LITAF: variants seen among roughly 807,000 people sequenced by gnomAD.
LITAF encodes the protein lipopolysaccharide induced TNF factor.
In LITAF, 9 loss-of-function variants were observed where a neutral mutation model predicts 14.5. The ratio of observed to expected loss-of-function variants is 0.62; its 90% CI spans 0.37 to 1.08. The LOEUF (loss-of-function observed/expected upper bound fraction) is 1.08. Ranked by LOEUF, LITAF falls within the 50% of genes least tolerant of loss-of-function variation. LITAF has a pLI of 0.01. For synonymous variants in LITAF, 98 were observed against 88.2 expected (o/e 1.11, Z -0.62); for missense variants, 206 against 213.4 (o/e 0.97, Z 0.22).
upstream of LITAF, among the ~76,000 whole-genome samples, chr16:11,600,076 C>T (rs1199033115): frequency 6.6e-6 from 1 of 152,142 alleles, no homozygotes; most frequent in East Asian, 1.9e-4. This position sits in a 1 kb window ranked among gnomAD's most constrained non-coding sequence, Gnocchi z 4.1. Flanking sequence ...TAGTTCACGG[C>T]AGCCTCAAAC....
At position 11,634,257 on chromosome 16, in the gene LITAF, C is replaced by T. The variant is rs1485488978; in HGVS notation, c.-20-620G>A. On this transcript the variant is annotated intron_variant, in intron 2 of 3. Transcript: ENST00000574848. This position sits in a 1 kb window ranked among gnomAD's most constrained non-coding sequence, Gnocchi z 4.1. ...CTTTCACCTCCAAACTGCTCTTCATCATTCCTGGACTTGGGCCAAACTAAC... is the reference window on the plus strand; with the variant it reads ...CTTTCACCTCCAAACTGCTCTTCATTATTCCTGGACTTGGGCCAAACTAAC... 6.6e-6 allele frequency among the ~76,000 whole-genome samples: 1 copy of T among 152,216 alleles called. No individual in the cohort carries two copies. Among genetic ancestry groups the T allele is most frequent in the Non-Finnish European group, 1.5e-5 (1 of 68,040 alleles).
rs150179253 is a variant in LITAF at position 11,564,314 on chromosome 16, G to A, written c.-5-7579C>T. ...TGCCCTTAACTGATATTAATGCACCGATCTGGAATCCTCGGGACGTGGAAA... is the reference window on the plus strand; with the variant it reads ...TGCCCTTAACTGATATTAATGCACCAATCTGGAATCCTCGGGACGTGGAAA... On this transcript the variant is annotated intron_variant, in intron 1 of 3. Transcript: ENST00000622633. 5.9e-3 allele frequency among the ~76,000 whole-genome samples: 891 copies of A among 152,188 alleles called. 8 individuals are homozygous for A. The highest frequency in any genetic ancestry group is 0.019 in the African/African-American group (795 of 41,530).
chr16:11,620,608 A>C (rs1291971315), intron 3 of LITAF, among the ~76,000 whole-genome samples: 1 of 152,244 alleles, frequency 6.6e-6, no homozygotes, highest in African/African-American at 2.4e-5. Flanking sequence ...CACTGGGATT[A>C]CAGACGTGAG....
intron 1 of LITAF, among the ~76,000 whole-genome samples, chr16:11,574,018 T>TG (rs554221728): frequency 0.045 from 6,657 of 148,334 alleles, 204 homozygotes; most frequent in East Asian, 0.13. Flanking sequence ...TGGTTTTTTT[T>TG]TTGTTGTTGT....
At chr16:11,621,331 T>C (rs1279642673) in intron 3 of LITAF, among the ~76,000 whole-genome samples, 1 of 152,322 alleles carries the variant, frequency 6.6e-6, no homozygotes, top group East Asian at 1.9e-4. Flanking sequence ...CCCAAAGTGC[T>C]GGGATTATAG....
intron 3 of LITAF, among the ~76,000 whole-genome samples, chr16:11,606,078 T>C (rs1477110646): frequency 6.6e-6 from 1 of 152,110 alleles, no homozygotes; most frequent in African/African-American, 2.4e-5. Flanking sequence ...GATAGGCTGA[T>C]GGCACTGACC....
intron 3 of LITAF, among the ~76,000 whole-genome samples, chr16:11,629,517 G>A (rs1008108358): frequency 3.9e-5 from 6 of 152,108 alleles, no homozygotes; most frequent in Non-Finnish European, 8.8e-5. Context: ...TCGGCCAGTC[G>A]GTCCTTCTGG....
At chr16:11,596,489 AGGG>A (rs1429801932) in intron 1 of LITAF, among the ~76,000 whole-genome samples, 1 of 7,978 alleles carries the variant, frequency 1.3e-4, no homozygotes, top group Non-Finnish European at 2.3e-4. Flanking sequence ...TAAGGGGAGG[AGGG>A]GGAGGGGGGA....
At position 11,556,774 on chromosome 16, in the gene LITAF, T is replaced by C. The variant is rs748972727; in HGVS notation, c.-5-39A>G. On this transcript the variant is annotated intron_variant, in intron 1 of 3. Coordinates refer to ENST00000622633, the MANE Select transcript of LITAF (RefSeq NM_001136472.2). ...AGAACATACCAGATAAGAAATTCAG[T>C]TGATCTCTCCCTCTCTTTTTCACCT... is the stretch of plus-strand genomic sequence containing the variant. 12 of 1,520,312 alleles carry C rather than the reference T, an allele frequency of 7.9e-6. No homozygotes were observed. In the East Asian group the frequency reaches 2.2e-4, roughly 29 times the overall value. 94.2% of individuals were successfully genotyped at this position (1,520,312 alleles called of 1,614,324 possible).
chr16:11,596,002 C>T (rs7199684), intron 1 of LITAF, among the ~76,000 whole-genome samples: 1 of 151,902 alleles, frequency 6.6e-6, no homozygotes, highest in African/African-American at 2.4e-5. Flanking sequence ...CAGGATATCC[C>T]AGTGAGCAGG....
At chr16:11,626,933 C>T (rs1410611534) in intron 3 of LITAF, among the ~76,000 whole-genome samples, 1 of 152,008 alleles carries the variant, frequency 6.6e-6, no homozygotes, top group Non-Finnish European at 1.5e-5. Flanking sequence ...GCCTCTACCT[C>T]CCGGGCTCAG....
At chr16:11,598,658 C>T (rs2064908363), upstream of LITAF, among the ~76,000 whole-genome samples, 1 of 152,068 alleles carries the variant, frequency 6.6e-6, no homozygotes, top group Admixed American at 6.6e-5. Context: ...GATGACGTGG[C>T]TTTGAAAGTT....
At chr16:11,638,061 T>G (rs1235658590), upstream of LITAF, among the ~76,000 whole-genome samples, 466 of 131,190 alleles carry the variant, frequency 3.6e-3, 51 homozygotes, top group Middle Eastern at 7.4e-3. Flanking sequence ...TATCTATATA[T>G]ATATCTATAT....
chr16:11,594,713 T>C (rs4780392), intron 1 of LITAF, among the ~76,000 whole-genome samples: 63,680 of 151,396 alleles, frequency 0.42, 14,499 homozygotes, highest in African/African-American at 0.6. Context: ...CTGTCTCTAC[T>C]AAAAATACAA....
intron 3 of LITAF, among the ~76,000 whole-genome samples, chr16:11,607,865 C>T (rs2064962662): frequency 6.6e-6 from 1 of 152,128 alleles, no homozygotes; most frequent in Admixed American, 6.6e-5. Flanking sequence ...AAACCAGTAG[C>T]ACTCCTCCCC....
At chr16:11,582,170 A>G (rs2064747637) in intron 1 of LITAF, among the ~76,000 whole-genome samples, 1 of 152,192 alleles carries the variant, frequency 6.6e-6, no homozygotes, top group Admixed American at 6.5e-5. Flanking sequence ...TACACACTGG[A>G]GACATATAAG....
chr16:11,592,354 T>C (rs1421502401), intron 1 of LITAF, among the ~76,000 whole-genome samples: 1 of 152,084 alleles, frequency 6.6e-6, no homozygotes, highest in Non-Finnish European at 1.5e-5. Context: ...GGCGGGCGGC[T>C]CACCAGAGGT....
At chr16:11,580,261 GTT>G (rs371546590) in intron 1 of LITAF, among the ~76,000 whole-genome samples, 1 of 145,532 alleles carries the variant, frequency 6.9e-6, no homozygotes. Flanking sequence ...AACCAGTGAA[GTT>G]TTTTTTTTTT....
chr16:11,585,230 CAA>C (rs35542925), intron 1 of LITAF, among the ~76,000 whole-genome samples: 55 of 90,668 alleles, frequency 6.1e-4, no homozygotes, highest in Non-Finnish European at 5.1e-4. Context: ...GACTCTGTCT[CAA>C]AAAAAAAAAA....
Sources: allele counts gnomAD v4.1 joint callset (sites outside exome capture counted in the v4.1 genomes callset), GRCh38; gene constraint gnomAD v4.1.1; non-coding constraint Gnocchi (gnomAD v3.1); transcripts MANE v1.5; gene names NCBI Gene and HGNC (gene_info 2026-07-23, HGNC 2026-07-21).